The following OSBP2 variants were observed in gnomAD, a reference collection of about 807,000 sequenced individuals.
The protein encoded by OSBP2 is oxysterol-binding protein 2.
Under a neutral mutation model 96.0 loss-of-function variants are expected in OSBP2, and 66 were observed. That is an observed-to-expected ratio of 0.69 (90% CI 0.56 to 0.84). The LOEUF (loss-of-function observed/expected upper bound fraction) is 0.84. OSBP2 is among the 40% of genes least tolerant of loss of function. OSBP2 has a pLI of 0.00. For synonymous variants in OSBP2, 525 were observed against 520.9 expected (o/e 1.01, Z -0.11); for missense variants, 1,038 against 1,222.7 (o/e 0.85, Z 2.25).
At chr22:30,693,984 A>AAT, upstream of OSBP2, 3 of 1,329,476 alleles carry the variant, frequency 2.3e-6, no homozygotes. Context: ...AAAAAAAAAA[A>AAT]GCGGAAAAAA....
intron 1 of OSBP2, among the ~76,000 whole-genome samples, chr22:30,710,075 A>G (rs983406246): frequency 6.6e-6 from 1 of 151,930 alleles, no homozygotes; most frequent in African/African-American, 2.4e-5. Flanking sequence ...TAGTAGAGAC[A>G]GGGTTTCACC....
chr22:30,837,413 C>T (rs1414784691), intron 2 of OSBP2, among the ~76,000 whole-genome samples: 1 of 152,148 alleles, frequency 6.6e-6, no homozygotes, highest in African/African-American at 2.4e-5. Context: ...TTGCTGGGGT[C>T]CCGCTCGTCC....
At chr22:30,889,348 A>G (rs1299647570) in intron 6 of OSBP2, 114 bp downstream of exon 6, 2 of 1,411,924 alleles carry the variant, frequency 1.4e-6, no homozygotes, top group Non-Finnish European at 2.0e-6. Context: ...GCCCCAGTCC[A>G]GGAGCACCAT....
chr22:30,863,441 G>A (rs138191602), intron 2 of OSBP2, among the ~76,000 whole-genome samples: 38 of 152,276 alleles, frequency 2.5e-4, no homozygotes, highest in Non-Finnish European at 4.4e-4. Context: ...TCTCCTCAGA[G>A]CCCCCACGTG....
intron 1 of OSBP2, among the ~76,000 whole-genome samples, chr22:30,722,710 C>CT (rs1167024146): frequency 2.2e-5 from 3 of 137,746 alleles, no homozygotes; most frequent in African/African-American, 8.1e-5. Context: ...CTTTCTTTCT[C>CT]TTTTTTCTTT....
chr22:30,740,095 T>G (rs1336248317), intron 1 of OSBP2, among the ~76,000 whole-genome samples: 1 of 152,146 alleles, frequency 6.6e-6, no homozygotes, highest in South Asian at 2.1e-4. Context: ...TCTGCCCATC[T>G]CGGCCTCCCA....
At chr22:30,722,319 T>A (rs937491614) in intron 1 of OSBP2, among the ~76,000 whole-genome samples, 6 of 152,202 alleles carry the variant, frequency 3.9e-5, no homozygotes, top group Non-Finnish European at 7.3e-5. Flanking sequence ...ATGGAGATGT[T>A]GGCGTGATGA....
chr22:30,701,575 C>G (rs1020029544), intron 1 of OSBP2, among the ~76,000 whole-genome samples: 1 of 152,038 alleles, frequency 6.6e-6, no homozygotes, highest in African/African-American at 2.4e-5. Context: ...GATCTCCTGA[C>G]CTTGTGATCC....
At chr22:30,795,652 T>A (rs1014567943) in intron 2 of OSBP2, among the ~76,000 whole-genome samples, 6 of 152,054 alleles carry the variant, frequency 3.9e-5, no homozygotes, top group Non-Finnish European at 5.9e-5. Context: ...CCCAAGTAGC[T>A]GGGATTACAG....
intron 8 of OSBP2, among the ~76,000 whole-genome samples, chr22:30,891,307 G>C (rs1602425782): frequency 2.6e-5 from 4 of 152,336 alleles, no homozygotes; most frequent in Middle Eastern, 6.8e-3. Flanking sequence ...AGGAGCATGG[G>C]GTCACTACCG....
intron 1 of OSBP2, among the ~76,000 whole-genome samples, chr22:30,705,046 C>T (rs2089230478): frequency 6.6e-6 from 1 of 152,148 alleles, no homozygotes; most frequent in African/African-American, 2.4e-5. Context: ...GGAGTGGCCT[C>T]TTGTCTCTGA....
At chr22:30,866,328 C>T (rs1328183538) in intron 2 of OSBP2, among the ~76,000 whole-genome samples, 1 of 152,186 alleles carries the variant, frequency 6.6e-6, no homozygotes, top group African/African-American at 2.4e-5. Flanking sequence ...GTAAGGGCAG[C>T]CTGCAGAAGC....
intron 2 of OSBP2, among the ~76,000 whole-genome samples, chr22:30,795,936 C>T (rs2090754223): frequency 6.6e-6 from 1 of 152,170 alleles, no homozygotes; most frequent in African/African-American, 2.4e-5. Context: ...TGTCCTTTAT[C>T]TTTCCTTTTT....
chr22:30,845,129 A>G (rs1304582251), intron 2 of OSBP2, among the ~76,000 whole-genome samples: 1 of 152,192 alleles, frequency 6.6e-6, no homozygotes, highest in Non-Finnish European at 1.5e-5. Context: ...ATCATAACAG[A>G]TATAATAATG....
intron 2 of OSBP2, among the ~76,000 whole-genome samples, chr22:30,802,637 G>A (rs1408194455): frequency 6.6e-6 from 1 of 152,234 alleles, no homozygotes; most frequent in African/African-American, 2.4e-5. Flanking sequence ...CGGAGAGCTC[G>A]CCTTTATCTA....
chr22:30,753,451 A>G (rs1367705300), intron 2 of OSBP2, among the ~76,000 whole-genome samples: 1 of 152,144 alleles, frequency 6.6e-6, no homozygotes, highest in Non-Finnish European at 1.5e-5. Flanking sequence ...TCAGCCTGGG[A>G]GTCACCAGGG....
At position 30,870,111 on chromosome 22, in the gene OSBP2, AGCT is replaced by A. The variant is rs1157353235; in HGVS notation, c.854-316_854-314del. Among the ~76,000 whole-genome samples, 1 of 152,166 alleles carries A rather than the reference AGCT, an allele frequency of 6.6e-6. No individual in the cohort carries two copies. Among genetic ancestry groups the A allele is most frequent in the Non-Finnish European group, 1.5e-5 (1 of 68,018 alleles). On this transcript the variant is annotated intron_variant, in intron 2 of 13. Coordinates refer to ENST00000332585, the MANE Select transcript of OSBP2 (RefSeq NM_030758.4). The surrounding 1 kb of genome is among the most constrained non-coding windows in gnomAD (Gnocchi z 4.1). Reference sequence around the variant, plus strand: ...CTTCCCTGCACACCACAATGTAGGGAGCTGGCGCCCTGCATGCAGGTGGGTGCC... The same window carrying A: ...CTTCCCTGCACACCACAATGTAGGGAGGCGCCCTGCATGCAGGTGGGTGCC...
At chr22:30,856,173 T>C (rs1397164722) in intron 2 of OSBP2, among the ~76,000 whole-genome samples, 1 of 152,020 alleles carries the variant, frequency 6.6e-6, no homozygotes, top group East Asian at 1.9e-4. Flanking sequence ...GAGATAAGGA[T>C]CTTCTTTTCC....
chr22:30,887,485 G>A lies in OSBP2; in HGVS notation c.1167G>A (p.Leu389=). Residue 389 remains leucine (L), a synonymous_variant, in exon 4 of 14, where the codon CTG becomes CTA. Coordinates refer to ENST00000332585, the MANE Select transcript of OSBP2 (RefSeq NM_030758.4). ...EIHSRKWQRA[L]QYEQEQRVHL... Reference sequence around the variant, plus strand: ...ACAGTCGGAAATGGCAGCGGGCACTGCAGTATGAGCAGGAGCAGCGCGTGC... The same window carrying A: ...ACAGTCGGAAATGGCAGCGGGCACTACAGTATGAGCAGGAGCAGCGCGTGC... 6.2e-7 allele frequency: 1 copy of A among 1,613,872 alleles called. No homozygotes were observed. The highest frequency in any genetic ancestry group is 1.1e-5 in the South Asian group (1 of 91,084).
Sources: gnomAD v4.1 joint callset for allele counts (sites outside exome capture counted in the v4.1 genomes callset) on GRCh38, gnomAD v4.1.1 for gene constraint, Gnocchi (gnomAD v3.1) non-coding constraint, MANE v1.5 for transcripts, NCBI Gene and HGNC (gene_info 2026-07-23, HGNC 2026-07-21) for gene names.